IL17RD: variants seen among roughly 807,000 people sequenced by gnomAD.
IL17RD encodes the protein interleukin-17 receptor D.
In IL17RD, 52 loss-of-function variants were observed where a neutral mutation model predicts 80.5. The observed-to-expected ratio is 0.65, with a 90% CI of 0.52 to 0.81. The LOEUF (loss-of-function observed/expected upper bound fraction) is 0.81, where lower values mean the gene tolerates loss of function less well. IL17RD is among the 40% of genes least tolerant of loss of function. IL17RD has a pLI of 0.00. For missense variants in IL17RD, 1,024 were observed against 955.1 expected (o/e 1.07, Z -0.95); for synonymous variants, 416 against 391.8 (o/e 1.06, Z -0.73).
chr3:57,114,817 T>C lies in IL17RD; in HGVS notation c.185A>G (p.Asn62Ser), dbSNP rs1707177087. The change falls in exon 3 of 13, where the codon AAT (asparagine) becomes AGT (serine). Residue 62 changes from asparagine to serine, a missense_variant and splice_region_variant. Physicochemically the swap from Asn to Ser is conservative, Grantham distance 46. Transcript: ENST00000296318. ...CACTGGATTCAAGTAGGTGGTACAA[T>C]CTAGAGAGTAGGGAGAATGAGAACA... Reference protein sequence around the residue: ...GLYNITFKYDNCTTYLNPVGK... With the variant: ...GLYNITFKYDSCTTYLNPVGK... 6.3e-7 allele frequency: 1 copy of C among 1,580,330 alleles called. No homozygotes were observed. The highest frequency in any genetic ancestry group is 1.9e-5 in the Admixed American group (1 of 51,414).
rs1285514874 is a variant in IL17RD at position 57,110,281 on chromosome 3, A to G, written c.341T>C (p.Ile114Thr). 1.1e-5 allele frequency: 17 copies of G among 1,607,500 alleles called. No homozygotes were observed. The highest frequency in any genetic ancestry group is 1.3e-5 in the Non-Finnish European group (15 of 1,176,768). Residue 114 changes from isoleucine (I) to threonine (T), a missense_variant, in exon 4 of 13, where the codon ATA becomes ACA. Coordinates refer to ENST00000296318, the MANE Select transcript of IL17RD (RefSeq NM_017563.5). Reference sequence around the variant, plus strand: ...TCCCTCCGACTTCAGCTCCTCCAGTATTACCCGAAATCCTTTCAGGAATTC... The same window carrying G: ...TCCCTCCGACTTCAGCTCCTCCAGTGTTACCCGAAATCCTTTCAGGAATTC... The part of the protein sequence containing the change: ...GIEFLKGFRV[I>T]LEELKSEGRQ...
intron 1 of IL17RD, chr3:57,142,416 G>T (rs1469669056): frequency 5.2e-6 from 4 of 765,652 alleles, no homozygotes; most frequent in Non-Finnish European, 5.9e-6. Context: ...ATTAAAAATT[G>T]AAACACTTAT....
rs556017602 is a variant in IL17RD, at chr3:57,150,742, C to T, written c.126+14419G>A. ...GACTTTTTGAAAATAAACAAAAACT[C>T]AAAATATTTTTTCCTCCTAAATTCA... is the stretch of plus-strand genomic sequence containing the variant. On this transcript the variant is annotated intron_variant, in intron 1 of 12. Transcript: ENST00000296318. 3.2e-4 allele frequency among the ~76,000 whole-genome samples: 49 copies of T among 152,226 alleles called. No homozygotes were observed. In the South Asian group the frequency reaches 1.0e-2, roughly 31 times the overall value.
chr3:57,146,036 C>T (rs937866908), intron 1 of IL17RD, among the ~76,000 whole-genome samples: 4 of 138,250 alleles, frequency 2.9e-5, no homozygotes, highest in African/African-American at 3.1e-5. Context: ...CACTCACGCG[C>T]GCGCGCGCGC....
intron 1 of IL17RD, among the ~76,000 whole-genome samples, chr3:57,163,882 C>G (rs543223064): frequency 6.6e-6 from 1 of 151,246 alleles, no homozygotes; most frequent in Non-Finnish European, 1.5e-5. Context: ...GACATCCCAG[C>G]TGTCTGGCTC....
intron 11 of IL17RD, 141 bp downstream of exon 11, chr3:57,101,038 C>T: frequency 1.6e-6 from 1 of 625,534 alleles, no homozygotes; most frequent in Non-Finnish European, 2.8e-6. Flanking sequence ...GAGTGCGAGA[C>T]TATCCCCAGT....
rs1327569801 is a variant in IL17RD, at chr3:57,095,851, C to A, written c.*542G>T. On this transcript the variant is annotated 3_prime_UTR_variant, in exon 13 of 13. Coordinates refer to ENST00000296318, the MANE Select transcript of IL17RD (RefSeq NM_017563.5). Reference sequence around the variant, plus strand: ...ATTCAGTCACTTTCTTGACTTTTGACTCAAAGCTTATTTAACACCCATGGC... The same window carrying A: ...ATTCAGTCACTTTCTTGACTTTTGAATCAAAGCTTATTTAACACCCATGGC... 1 of 153,602 alleles carries A rather than the reference C, an allele frequency of 6.5e-6. No homozygotes were observed. The highest frequency in any genetic ancestry group is 1.5e-5 in the Non-Finnish European group (1 of 68,944). The allele number at this position is 153,602 out of a possible 1,614,324, so 9.5% of individuals were successfully genotyped here.
rs372975725 is a variant in IL17RD, at chr3:57,153,554, C to T, written c.126+11607G>A. 7.9e-5 allele frequency among the ~76,000 whole-genome samples: 12 copies of T among 152,320 alleles called. 1 individual carries two copies. In the East Asian group the frequency reaches 1.9e-3, roughly 25 times the overall value. Reference sequence around the variant, plus strand: ...GCAATGAGTGACCCTTCTCTGCCCCCTAGAATGTGATGCAGAAAGAAATTA... The same window carrying T: ...GCAATGAGTGACCCTTCTCTGCCCCTTAGAATGTGATGCAGAAAGAAATTA... On this transcript the variant is annotated intron_variant, in intron 1 of 12. Transcript: ENST00000296318.
chr3:57,097,678 A>G lies in IL17RD; in HGVS notation c.2025T>C (p.Ser675=). 6.2e-7 allele frequency: 1 copy of G among 1,605,976 alleles called. No homozygotes were observed. Among genetic ancestry groups the G allele is most frequent in the Non-Finnish European group, 8.5e-7 (1 of 1,176,570 alleles). Residue 675 remains serine (S), a synonymous_variant, in exon 12 of 13, where the codon TCT becomes TCC. Transcript: ENST00000296318. ...YDSSVPSSEL[S]LPLMEGLSTD... ...TCGAGAGTCCTTCCATCAGTGGCAG[A>G]GACAGCTCGGATGAGGGCACAGACG...
chr3:57,103,008 C>G (rs1429373778), intron 9 of IL17RD, 83 bp downstream of exon 9: 2 of 989,580 alleles, frequency 2.0e-6, no homozygotes, highest in East Asian at 2.6e-5. Context: ...TGTTTTGTTT[C>G]TGTAAATCAT....
At chr3:57,170,203 C>T (rs533860322), upstream of IL17RD, 11 of 152,382 alleles carry the variant, frequency 7.2e-5, no homozygotes, top group African/African-American at 1.7e-4. Context: ...TCCCAGGACG[C>T]CCACCCCATA....
intron 12 of IL17RD, among the ~76,000 whole-genome samples, 200 bp from the exon 13 acceptor site, chr3:57,096,705 A>G (rs1397351329): frequency 6.6e-6 from 1 of 152,138 alleles, no homozygotes; most frequent in African/African-American, 2.4e-5. Flanking sequence ...AGGAAGAGAT[A>G]TTTCTTAAAA....
chr3:57,103,170 ATT>A, intron 8 of IL17RD, 25 bp from the exon 9 acceptor site: 1 of 1,539,752 alleles, frequency 6.5e-7, no homozygotes, highest in Non-Finnish European at 8.8e-7. Context: ...ATGCTGCATT[ATT>A]TTTTTTTAAA....
intron 1 of IL17RD, 89 bp from the exon 2 acceptor site, chr3:57,120,402 T>G (rs1208375671): frequency 1.1e-6 from 1 of 882,710 alleles, no homozygotes; most frequent in African/African-American, 1.6e-5. Context: ...CAAGCAGCAC[T>G]GCTGAGACCC....
intron 1 of IL17RD, among the ~76,000 whole-genome samples, chr3:57,126,502 G>C (rs567390589): frequency 6.6e-6 from 1 of 152,218 alleles, no homozygotes; most frequent in Admixed American, 6.5e-5. Flanking sequence ...CAGAGAGGCC[G>C]GCAGCGGAGC....
intron 1 of IL17RD, chr3:57,142,597 C>T (rs1378908181): frequency 1.6e-5 from 12 of 756,388 alleles, no homozygotes; most frequent in Non-Finnish European, 1.9e-5. Flanking sequence ...TTGGTGTCGC[C>T]AACCTGAGCC....
intron 1 of IL17RD, among the ~76,000 whole-genome samples, chr3:57,122,163 G>C (rs150329928): frequency 1.3e-5 from 2 of 152,310 alleles, no homozygotes; most frequent in Non-Finnish European, 2.9e-5. Context: ...AATGCCACAA[G>C]ACAGCCCTTG....
intron 2 of IL17RD, among the ~76,000 whole-genome samples, chr3:57,118,904 C>T (rs1288556153): frequency 6.6e-6 from 1 of 152,128 alleles, no homozygotes; most frequent in Non-Finnish European, 1.5e-5. Context: ...CTAGCCACAG[C>T]TCACAGAACT....
chr3:57,098,387 C>A lies in IL17RD; in HGVS notation c.1316G>T (p.Gly439Val). The change falls in exon 12 of 13, where the codon GGA becomes GTA. Residue 439 changes from glycine to valine, a missense_variant. Transcript: ENST00000296318. ...FVDKKNYKHK[G>V]GGRGSGKGEL... ...TCCTTTCCCCGAGCCTCGGCCACCT[C>A]CTTTGTGTTTGTAGTTCTTCTTGTC... The A allele has an allele frequency of 6.2e-7, 1 of 1,614,050 alleles. No homozygotes were observed. The highest frequency in any genetic ancestry group is 8.5e-7 in the Non-Finnish European group (1 of 1,179,894).
Sources: gnomAD v4.1 joint callset for allele counts (sites outside exome capture counted in the v4.1 genomes callset) on GRCh38, gnomAD v4.1.1 for gene constraint, MANE v1.5 for transcripts, NCBI Gene and HGNC (gene_info 2026-07-23, HGNC 2026-07-21) for gene names.